The following PDE2A variants were observed in gnomAD, a reference collection of about 807,000 sequenced individuals.
PDE2A encodes the protein cGMP-dependent 3',5'-cyclic phosphodiesterase.
In PDE2A, 53 loss-of-function variants were observed where a neutral mutation model predicts 133.6. That is an observed-to-expected ratio of 0.40 (90% CI 0.32 to 0.50). PDE2A has a LOEUF of 0.50. PDE2A is among the 20% of genes least tolerant of loss of function. The pLI, the probability that PDE2A is intolerant of heterozygous loss-of-function variation, is 0.73. For missense variants in PDE2A, 796 were observed against 1,232.4 expected (o/e 0.65, Z 5.30); for synonymous variants, 491 against 490.2 (o/e 1.00, Z -0.02).
chr11:72,589,064 C>A, intron 12 of PDE2A, 111 bp downstream of exon 12: 1 of 1,240,112 alleles, frequency 8.1e-7, no homozygotes, highest in East Asian at 2.4e-5. Context: ...TAGAAAGTCC[C>A]CAGGTCTTAT....
At chr11:72,627,204 G>T (rs1858122414) in intron 2 of PDE2A, among the ~76,000 whole-genome samples, 1 of 152,238 alleles carries the variant, frequency 6.6e-6, no homozygotes, top group African/African-American at 2.4e-5. Context: ...CCTATACCAA[G>T]CACCACATGG....
chr11:72,673,649 C>A (rs184168700), intron 1 of PDE2A, among the ~76,000 whole-genome samples: 9 of 152,260 alleles, frequency 5.9e-5, no homozygotes, highest in Non-Finnish European at 2.9e-5. Context: ...CTCTAACCCT[C>A]TCTTGCTCCA....
intron 13 of PDE2A, among the ~76,000 whole-genome samples, chr11:72,588,520 A>G (rs1003745924): frequency 5.9e-5 from 9 of 152,214 alleles, no homozygotes; most frequent in African/African-American, 2.2e-4. Flanking sequence ...AGTTTATAGC[A>G]GTAATGCAAA....
rs564655879 is a variant in PDE2A at position 72,663,870 on chromosome 11, C to T, written c.71+10267G>A. On this transcript the variant is annotated intron_variant, in intron 1 of 30. Transcript: ENST00000334456. ...GCAAGTCCATGCCCTCTCTGTTCTTCGGTTTCCCATCATCTCTTTGTCCCT... is the reference window on the plus strand; with the variant it reads ...GCAAGTCCATGCCCTCTCTGTTCTTTGGTTTCCCATCATCTCTTTGTCCCT... Among the ~76,000 whole-genome samples, 9 of 152,322 alleles carry T rather than the reference C, an allele frequency of 5.9e-5. No individual in the cohort carries two copies. The South Asian group carries it at 1.5e-3, about 25-fold the overall frequency.
chr11:72,610,734 C>T (rs560786706), intron 2 of PDE2A, among the ~76,000 whole-genome samples: 7 of 152,174 alleles, frequency 4.6e-5, no homozygotes, highest in Non-Finnish European at 7.3e-5. Context: ...CTTAGGCACT[C>T]CTCATCACAG....
At chr11:72,582,243 G>A (rs1591014594) in intron 21 of PDE2A, 3 of 629,456 alleles carry the variant, frequency 4.8e-6, no homozygotes, top group East Asian at 5.5e-5. Context: ...CAGCCCTTGG[G>A]ATCATCCAGT....
chr11:72,619,619 G>A (rs1386715151), intron 2 of PDE2A, among the ~76,000 whole-genome samples: 16 of 152,336 alleles, frequency 1.1e-4, no homozygotes, highest in African/African-American at 3.4e-4. Context: ...GGTCATTGAT[G>A]TCCATGTGAC....
rs556047358 is a variant in PDE2A at position 72,577,412 on chromosome 11, T to C, written c.2798A>G (p.Asn933Ser). ...PDLDGTRAPI[N>S]GCCSLDAE ...CTCAGCATCAAGGCTGCAGCAGCCA[T>C]TGATGGGGGCCCTAGTGCCATCCAG... The change falls in exon 31 of 31, where the codon AAT becomes AGT. Residue 933 changes from asparagine (N) to serine (S), a missense_variant. Asn to Ser is a conservative substitution (Grantham distance 46). Around this residue, in one of 7 missense-constraint regions of PDE2A, gnomAD observed 83 missense variants for 99.0 expected, o/e 0.84. Coordinates refer to ENST00000334456, the MANE Select transcript of PDE2A (RefSeq NM_002599.5). The C allele has an allele frequency of 3.1e-6, 5 of 1,613,776 alleles. No individual in the cohort carries two copies. The East Asian group carries it at 8.9e-5, about 29-fold the overall frequency.
chr11:72,591,547 C>T (rs1403485237), intron 6 of PDE2A, among the ~76,000 whole-genome samples, 191 bp from the exon 7 acceptor site: 1 of 152,222 alleles, frequency 6.6e-6, no homozygotes, highest in Non-Finnish European at 1.5e-5. Flanking sequence ...TAGGAAGTCT[C>T]CTAGGACTAA....
Position 72,642,178 on chromosome 11 carries a change from T to C in PDE2A, c.144+76A>G, listed in dbSNP as rs559454644. The stretch of plus-strand genomic sequence containing the variant: ...GAGGGGTCTCCTCCCTGAGAAGGGT[T>C]CGGGGGCGGGCAGACCCGGCCCGGC... On this transcript the variant is annotated intron_variant, in intron 2 of 30. Coordinates refer to ENST00000334456, the MANE Select transcript of PDE2A (RefSeq NM_002599.5). 22 of 1,366,106 alleles carry C rather than the reference T, an allele frequency of 1.6e-5. No homozygotes were observed. The South Asian group carries it at 3.9e-4, about 24-fold the overall frequency. 84.6% of individuals were successfully genotyped at this position (1,366,106 alleles called of 1,614,324 possible).
intron 2 of PDE2A, among the ~76,000 whole-genome samples, chr11:72,622,651 C>T (rs1040501675): frequency 6.6e-6 from 1 of 152,094 alleles, no homozygotes. Context: ...TAGTCCAAGT[C>T]ATAGAGACAG....
In PDE2A at chr11:72,605,062, T is replaced by C. The variant is rs1230877168; in HGVS notation, c.323+76A>G. 4 of 901,406 alleles carry C rather than the reference T, an allele frequency of 4.4e-6. No homozygotes were observed. The African/African-American group carries it at 6.6e-5, about 15-fold the overall frequency. 55.8% of individuals were successfully genotyped at this position (901,406 alleles called of 1,614,324 possible). A position where few individuals can be genotyped will look rare whatever the true frequency, so the allele number is the denominator to read the frequency against. Reference sequence around the variant, plus strand: ...GTTGGAAGGGGAGGGTCAGACCAGATGACCTTGGATGGTGCCTCAGCCCTG... The same window carrying C: ...GTTGGAAGGGGAGGGTCAGACCAGACGACCTTGGATGGTGCCTCAGCCCTG... On this transcript the variant is annotated intron_variant, in intron 4 of 30. Transcript: ENST00000334456.
intron 6 of PDE2A, among the ~76,000 whole-genome samples, chr11:72,592,050 AC>A (rs1414517048): frequency 1.3e-5 from 2 of 150,120 alleles, no homozygotes; most frequent in East Asian, 3.9e-4. Flanking sequence ...TCTCTCCACC[AC>A]CCCCATCATC....
chr11:72,625,486 C>T (rs370812607), intron 2 of PDE2A, among the ~76,000 whole-genome samples: 5 of 151,948 alleles, frequency 3.3e-5, no homozygotes, highest in African/African-American at 4.8e-5. Flanking sequence ...GACAAGGGTT[C>T]GAGGGTTTAA....
chr11:72,589,766 T>G lies in PDE2A; in HGVS notation c.858A>C (p.Glu286Asp). 1 of 1,613,848 alleles carries G rather than the reference T, an allele frequency of 6.2e-7. No individual in the cohort carries two copies. Among genetic ancestry groups the G allele is most frequent in the South Asian group, 1.1e-5 (1 of 91,022 alleles). ...CKVIGDKVLG[E>D]EVSFPLTGCL... The stretch of plus-strand genomic sequence containing the variant: ...CGGGACTCACGGGAAAGCTGACCTC[T>G]TCCCCGAGCACTTTGTCTCCGATGA... The change falls in exon 11 of 31, where the codon GAA becomes GAC. Residue 286 changes from glutamate (E) to aspartate (D), a missense_variant. Transcript: ENST00000334456.
At chr11:72,623,470 C>G (rs965876515) in intron 2 of PDE2A, among the ~76,000 whole-genome samples, 1 of 152,130 alleles carries the variant, frequency 6.6e-6, no homozygotes, top group Non-Finnish European at 1.5e-5. Context: ...CTCCCTCTCT[C>G]CATTATCCCA....
intron 1 of PDE2A, among the ~76,000 whole-genome samples, chr11:72,649,517 G>A (rs1720026299): frequency 6.6e-6 from 1 of 152,240 alleles, no homozygotes; most frequent in Non-Finnish European, 1.5e-5. Flanking sequence ...TGCCTAGGGT[G>A]CAGCAACCCC....
chr11:72,647,913 A>G (rs1303704019), intron 1 of PDE2A, among the ~76,000 whole-genome samples: 2 of 152,194 alleles, frequency 1.3e-5, no homozygotes, highest in African/African-American at 2.4e-5. Flanking sequence ...ATGTGTATAC[A>G]CAGATATGTC....
intron 23 of PDE2A, 124 bp downstream of exon 23, chr11:72,581,233 C>G: frequency 9.9e-7 from 1 of 1,005,086 alleles, no homozygotes; most frequent in Non-Finnish European, 1.5e-6. Flanking sequence ...CCCTCTAGTC[C>G]CCTGGGGCTA....
Sources: allele counts gnomAD v4.1 joint callset (sites outside exome capture counted in the v4.1 genomes callset), GRCh38; gene constraint gnomAD v4.1.1; regional missense constraint gnomAD v4.1.1; transcripts MANE v1.5; gene names NCBI Gene and HGNC (gene_info 2026-07-23, HGNC 2026-07-21).